Variants in ANKS1B observed in about 807,000 individuals in gnomAD.
ANKS1B encodes the protein ankyrin repeat and sterile alpha motif domain containing 1B.
In ANKS1B, 36 loss-of-function variants were observed where a neutral mutation model predicts 148.3. The ratio of observed to expected loss-of-function variants is 0.24; its 90% CI spans 0.19 to 0.32. The LOEUF (loss-of-function observed/expected upper bound fraction) is 0.32. Among genes scored for constraint, ANKS1B ranks in the 10% least tolerant of loss-of-function variants. The pLI is 1.00. For synonymous variants in ANKS1B, 542 were observed against 560.8 expected, an observed-to-expected ratio of 0.97 and a Z score of 0.47; for missense variants, 1,157 against 1,542.6, an observed-to-expected ratio of 0.75 and a Z score of 4.19.
chr12:99,795,315 C>T (rs139016802), intron 4 of ANKS1B, among the ~76,000 whole-genome samples: 37 of 151,740 alleles, frequency 2.4e-4, no homozygotes, highest in Admixed American at 2.0e-3. Context: ...AGATCAATAG[C>T]GGACTTCACA....
At chr12:99,250,253 G>C (rs1423539266) in intron 12 of ANKS1B, among the ~76,000 whole-genome samples, 2 of 152,174 alleles carry the variant, frequency 1.3e-5, no homozygotes, top group African/African-American at 4.8e-5. Flanking sequence ...AATGAATAGT[G>C]GCCTAGAGAG....
chr12:98,917,637 GA>G (rs1316662548), intron 17 of ANKS1B, among the ~76,000 whole-genome samples: 3 of 152,168 alleles, frequency 2.0e-5, no homozygotes, highest in Admixed American at 6.5e-5. Flanking sequence ...GAGTATTCGG[GA>G]TGAAAAATTA....
intron 10 of ANKS1B, among the ~76,000 whole-genome samples, chr12:99,453,973 A>T (rs1595081578): frequency 6.6e-6 from 1 of 152,234 alleles, no homozygotes; most frequent in African/African-American, 2.4e-5. Flanking sequence ...GAAGAAAAAA[A>T]ATGTAATAGC....
At chr12:99,506,537 T>C (rs1165499239) in intron 9 of ANKS1B, among the ~76,000 whole-genome samples, 2 of 151,924 alleles carry the variant, frequency 1.3e-5, no homozygotes, top group East Asian at 1.9e-4. Flanking sequence ...AGAGAAGAAA[T>C]GATGAAAGGA....
intron 12 of ANKS1B, among the ~76,000 whole-genome samples, chr12:99,256,509 G>C (rs1264188479): frequency 2.0e-5 from 3 of 152,022 alleles, no homozygotes. Flanking sequence ...AGAATGGCCT[G>C]AGATCATTTT....
chr12:98,753,196 T>C (rs1019981221), intron 25 of ANKS1B, among the ~76,000 whole-genome samples: 1 of 152,234 alleles, frequency 6.6e-6, no homozygotes, highest in Non-Finnish European at 1.5e-5. Flanking sequence ...ATTTCTAGCT[T>C]TCTTCTCTTC....
At chr12:98,907,852 C>A (rs552945673) in intron 17 of ANKS1B, among the ~76,000 whole-genome samples, 1 of 152,226 alleles carries the variant, frequency 6.6e-6, no homozygotes, top group African/African-American at 2.4e-5. Flanking sequence ...AAGGGGTTTC[C>A]ACTTTTGCTT....
At chr12:99,480,409 T>C (rs10467006) in intron 10 of ANKS1B, among the ~76,000 whole-genome samples, 2,973 of 151,970 alleles carry the variant, frequency 0.02, 107 homozygotes, top group African/African-American at 0.066. Context: ...GTTTTAAAAG[T>C]CAAAAAATCT....
chr12:99,702,117 T>C (rs530462729), intron 8 of ANKS1B, among the ~76,000 whole-genome samples: 1 of 152,244 alleles, frequency 6.6e-6, no homozygotes, highest in East Asian at 1.9e-4. Context: ...AACCTCCATA[T>C]TGTCTTCCAT....
intron 10 of ANKS1B, among the ~76,000 whole-genome samples, chr12:99,463,453 C>T (rs1228119607): frequency 2.0e-5 from 3 of 152,296 alleles, no homozygotes; most frequent in East Asian, 3.9e-4. Flanking sequence ...ACAGTGGGTG[C>T]AGCACACCGT....
chr12:99,422,822 A>G (rs1285106826), intron 11 of ANKS1B, among the ~76,000 whole-genome samples: 3 of 152,188 alleles, frequency 2.0e-5, no homozygotes, highest in East Asian at 3.8e-4. Flanking sequence ...AAAGAGATAT[A>G]TTAAAGAGAT....
At chr12:98,966,128 A>C (rs1288199802) in intron 17 of ANKS1B, among the ~76,000 whole-genome samples, 1 of 152,194 alleles carries the variant, frequency 6.6e-6, no homozygotes, top group Non-Finnish European at 1.5e-5. Context: ...AGAATGGGAG[A>C]AAATTTTTGC....
At chr12:99,079,436 A>G (rs2153611115) in intron 16 of ANKS1B, among the ~76,000 whole-genome samples, 1 of 152,334 alleles carries the variant, frequency 6.6e-6, no homozygotes, top group South Asian at 2.1e-4. Flanking sequence ...TAAACTGAGC[A>G]GAACTCAGAA....
At chr12:99,121,793 T>G (rs1161577911) in intron 15 of ANKS1B, among the ~76,000 whole-genome samples, 2 of 152,208 alleles carry the variant, frequency 1.3e-5, no homozygotes, top group Non-Finnish European at 2.9e-5. Context: ...ATGAACTGAA[T>G]TTAACTCAAT....
At chr12:99,120,286 G>A (rs1247031313) in intron 15 of ANKS1B, among the ~76,000 whole-genome samples, 1 of 152,106 alleles carries the variant, frequency 6.6e-6, no homozygotes, top group Non-Finnish European at 1.5e-5. Flanking sequence ...ACCCGGGCTG[G>A]GAGTCAATTT....
Position 99,966,837 on chromosome 12 carries a change from G to A in ANKS1B, c.134+17267C>T, listed in dbSNP as rs577348706. Among the ~76,000 whole-genome samples the A allele has an allele frequency of 3.3e-5, 5 of 151,494 alleles. No homozygotes were observed. In the East Asian group the frequency reaches 9.6e-4, roughly 29 times the overall value. Reference sequence around the variant, plus strand: ...CAGCACAGCACATACAACTTCCGTGGAACACAATTTTTTTCTGTTCAAGTT... The same window carrying A: ...CAGCACAGCACATACAACTTCCGTGAAACACAATTTTTTTCTGTTCAAGTT... On this transcript the variant is annotated intron_variant, in intron 1 of 26. Transcript: ENST00000683438.
At chr12:99,292,970 A>G (rs937469897) in intron 12 of ANKS1B, among the ~76,000 whole-genome samples, 4 of 152,202 alleles carry the variant, frequency 2.6e-5, no homozygotes, top group Admixed American at 2.6e-4. Context: ...AGAACTAGAA[A>G]TACCATTTGA....
intron 14 of ANKS1B, among the ~76,000 whole-genome samples, chr12:99,159,668 G>A (rs537671535): frequency 6.6e-6 from 1 of 152,186 alleles, no homozygotes; most frequent in South Asian, 2.1e-4. Flanking sequence ...CTTTGTTATT[G>A]TGAATAGTGC....
At chr12:99,023,438 T>C (rs1303162822) in intron 17 of ANKS1B, among the ~76,000 whole-genome samples, 2 of 152,098 alleles carry the variant, frequency 1.3e-5, no homozygotes, top group Admixed American at 1.3e-4. Flanking sequence ...TTCTGAATTG[T>C]ATTGTTGTTA....
Sources: allele counts gnomAD v4.1 joint callset (sites outside exome capture counted in the v4.1 genomes callset), GRCh38; gene constraint gnomAD v4.1.1; transcripts MANE v1.5; gene names NCBI Gene and HGNC (gene_info 2026-07-23, HGNC 2026-07-21).